The following HGF variants were observed in gnomAD, a reference collection of about 807,000 sequenced individuals.
The protein encoded by HGF is hepatocyte growth factor, also known as fibroblast-derived tumor cytotoxic factor.
HGF carries 39 observed loss-of-function variants against 111.6 expected under a neutral mutation model. That is an observed-to-expected ratio of 0.35 (90% CI 0.27 to 0.46). The LOEUF (loss-of-function observed/expected upper bound fraction) is 0.46. Among genes scored for constraint, HGF ranks in the 20% least tolerant of loss-of-function variants. The probability of loss-of-function intolerance (pLI) is 1.00; values close to 1 mark genes in which losing one functional copy is unlikely to be tolerated. For synonymous variants in HGF, 285 were observed against 294.8 expected (o/e 0.97, Z 0.34); for missense variants, 735 against 910.5 (o/e 0.81, Z 2.48).
intron 5 of HGF, among the ~76,000 whole-genome samples, chr7:81,747,162 C>T (rs1349884898): frequency 6.6e-6 from 1 of 152,084 alleles, no homozygotes; most frequent in Non-Finnish European, 1.5e-5. Context: ...CACGGTGAAA[C>T]CCCGTCTCTA....
intron 2 of HGF, 67 bp from the exon 3 acceptor site, chr7:81,758,871 A>G: frequency 9.8e-7 from 1 of 1,020,624 alleles, no homozygotes; most frequent in Non-Finnish European, 1.5e-6. Context: ...GAATGGGCAT[A>G]TGGTTCATCT....
chr7:81,729,817 A>C (rs766478012), intron 7 of HGF, 38 bp from the exon 8 acceptor site: 1 of 1,598,248 alleles, frequency 6.3e-7, no homozygotes, highest in East Asian at 2.2e-5. Flanking sequence ...AAACTTATAT[A>C]AAATCTTTGA....
chr7:81,761,245 C>T lies in HGF; in HGVS notation c.254+1462G>A, dbSNP rs1789061175. Among the ~76,000 whole-genome samples the T allele has an allele frequency of 3.9e-5, 6 of 152,156 alleles. No homozygotes were observed. In the South Asian group the frequency reaches 1.2e-3, roughly 32 times the overall value. ...TTTATAGGAAAGTCAGGGAATAAAACAGAATTATCATAGGAATATACTTGC... is the reference window on the plus strand; with the variant it reads ...TTTATAGGAAAGTCAGGGAATAAAATAGAATTATCATAGGAATATACTTGC... On this transcript the variant is annotated intron_variant, in intron 2 of 17. Transcript: ENST00000222390.
chr7:81,747,404 A>G (rs1304528634), intron 5 of HGF, among the ~76,000 whole-genome samples: 2 of 152,204 alleles, frequency 1.3e-5, no homozygotes, highest in East Asian at 3.9e-4. Context: ...ACTAGATTTT[A>G]CTAGGATCTT....
At chr7:81,739,361 T>C (rs115913646) in intron 7 of HGF, among the ~76,000 whole-genome samples, 1 of 152,142 alleles carries the variant, frequency 6.6e-6, no homozygotes, top group Non-Finnish European at 1.5e-5. Flanking sequence ...TGAAAGCTTT[T>C]TATTCATTGA....
rs5745708 is a variant in HGF, at chr7:81,720,304, T to C, written c.1271+441A>G. On this transcript the variant is annotated intron_variant, in intron 10 of 17. Coordinates refer to ENST00000222390, the MANE Select transcript of HGF (RefSeq NM_000601.6). ...TTTAAATTATATGAGTGATTATTCA[T>C]TGATTTTTCATAAACTATCAATTAT... 3.1e-3 allele frequency among the ~76,000 whole-genome samples: 477 copies of C among 152,360 alleles called. 1 individual carries two copies. Among genetic ancestry groups the C allele is most frequent in the African/African-American group, 0.011 (453 of 41,584 alleles).
intron 4 of HGF, chr7:81,755,440 C>T (rs566880725): frequency 1.3e-5 from 2 of 152,052 alleles, no homozygotes; most frequent in Admixed American, 6.6e-5. Context: ...TCCTCTCGGC[C>T]ATAAACATCT....
At chr7:81,742,268 T>C (rs1788038291) in intron 7 of HGF, among the ~76,000 whole-genome samples, 1 of 152,210 alleles carries the variant, frequency 6.6e-6, no homozygotes, top group Non-Finnish European at 1.5e-5. Flanking sequence ...TTAGCAGGTC[T>C]AGATTGAGAG....
At chr7:81,705,293 A>G in intron 17 of HGF, 97 bp downstream of exon 17, 1 of 1,186,116 alleles carries the variant, frequency 8.4e-7, no homozygotes, top group Non-Finnish European at 1.3e-6. Context: ...AGGTTGGTAT[A>G]CAATATTTTT....
intron 7 of HGF, among the ~76,000 whole-genome samples, chr7:81,730,260 C>T (rs1360025557): frequency 6.6e-6 from 1 of 151,944 alleles, no homozygotes; most frequent in African/African-American, 2.4e-5. Flanking sequence ...ACCAGCCTGG[C>T]CAACATGGTG....
Position 81,747,310 on chromosome 7 carries a change from G to A in HGF, c.626-2190C>T, listed in dbSNP as rs886468218. Among the ~76,000 whole-genome samples, 3 of 152,140 alleles carry A rather than the reference G, an allele frequency of 2.0e-5. No individual in the cohort carries two copies. In the East Asian group the frequency reaches 5.8e-4, roughly 29 times the overall value. On this transcript the variant is annotated intron_variant, in intron 5 of 17. Transcript: ENST00000222390. ...GCCGAGATGGCACCACTGCACTCCAGCCTGGGCGACAGAGCGAGACTCCGT... is the reference window on the plus strand; with the variant it reads ...GCCGAGATGGCACCACTGCACTCCAACCTGGGCGACAGAGCGAGACTCCGT...
At chr7:81,705,815 T>G in intron 15 of HGF, 62 bp from the exon 16 acceptor site, 1 of 975,966 alleles carries the variant, frequency 1.0e-6, no homozygotes, top group Non-Finnish European at 1.7e-6. Flanking sequence ...ATTAACATAT[T>G]AAATGTAGTG....
intron 5 of HGF, 38 bp downstream of exon 5, chr7:81,752,082 G>A: frequency 6.2e-7 from 1 of 1,612,480 alleles, no homozygotes; most frequent in Non-Finnish European, 8.5e-7. Context: ...ACACATAGGG[G>A]GAATAGAATG....
chr7:81,732,355 CTGTT>C (rs1787693844), intron 7 of HGF, among the ~76,000 whole-genome samples: 1 of 152,288 alleles, frequency 6.6e-6, no homozygotes, highest in East Asian at 1.9e-4. Flanking sequence ...CTTCAAAAGG[CTGTT>C]TGTTTCCTCT....
At chr7:81,704,106 T>A (rs1305050480) in intron 17 of HGF, among the ~76,000 whole-genome samples, 1 of 151,784 alleles carries the variant, frequency 6.6e-6, no homozygotes, top group Non-Finnish European at 1.5e-5. Context: ...TATATATTTT[T>A]AAAAACATTC....
At chr7:81,738,139 C>T in intron 7 of HGF, among the ~76,000 whole-genome samples, 1 of 152,026 alleles carries the variant, frequency 6.6e-6, no homozygotes, top group Non-Finnish European at 1.5e-5. Flanking sequence ...AAGTTTAATG[C>T]CTGGGTGACA....
At chr7:81,735,012 A>T (rs1037390442) in intron 7 of HGF, among the ~76,000 whole-genome samples, 9 of 152,112 alleles carry the variant, frequency 5.9e-5, no homozygotes, top group Non-Finnish European at 4.4e-5. Flanking sequence ...AGAGCAACTG[A>T]AATAGAATTT....
At chr7:81,726,866 T>C (rs1790025631) in intron 8 of HGF, among the ~76,000 whole-genome samples, 1 of 152,000 alleles carries the variant, frequency 6.6e-6, no homozygotes, top group East Asian at 1.9e-4. Context: ...AAATAAAATT[T>C]ATTAAATATG....
rs1789304521 is a variant in HGF at position 81,702,374 on chromosome 7, C to A, written c.*207G>T. 5.5e-6 allele frequency: 3 copies of A among 548,602 alleles called. No individual in the cohort carries two copies. Among genetic ancestry groups the A allele is most frequent in the Non-Finnish European group, 9.8e-6 (3 of 304,946 alleles). 34.0% of individuals were successfully genotyped at this position (548,602 alleles called of 1,614,324 possible). A position where few individuals can be genotyped will look rare whatever the true frequency, so the allele number is the denominator to read the frequency against. ...AGATATGTTATTACACTTGCATGTA[C>A]CTTAATTCACTTCAACATTGACAAA... On this transcript the variant is annotated 3_prime_UTR_variant, in exon 18 of 18. Coordinates refer to ENST00000222390, the MANE Select transcript of HGF (RefSeq NM_000601.6).
Sources: gnomAD v4.1 joint callset for allele counts (sites outside exome capture counted in the v4.1 genomes callset) on GRCh38, gnomAD v4.1.1 for gene constraint, MANE v1.5 for transcripts, NCBI Gene and HGNC (gene_info 2026-07-23, HGNC 2026-07-21) for gene names.